Variants in VSNL1 observed in about 807,000 individuals in gnomAD.
VSNL1 encodes visinin like 1.
A neutral mutation model predicts 20.4 loss-of-function variants in VSNL1; 6 were observed. That is an observed-to-expected ratio of 0.29 (90% CI 0.16 to 0.58). The LOEUF (loss-of-function observed/expected upper bound fraction) is 0.58, where lower values mean the gene tolerates loss of function less well. VSNL1 is among the 20% of genes least tolerant of loss of function. The pLI, the probability that VSNL1 is intolerant of heterozygous loss-of-function variation, is 0.90. For missense variants in VSNL1, 100 were observed against 234.5 expected, an observed-to-expected ratio of 0.43 and a Z score of 3.75; for synonymous variants, 93 against 86.4, an observed-to-expected ratio of 1.08 and a Z score of -0.42.
chr2:17,586,254 T>C (rs1008413703), intron 1 of VSNL1, among the ~76,000 whole-genome samples: 7 of 152,224 alleles, frequency 4.6e-5, no homozygotes, highest in African/African-American at 7.2e-5. Context: ...TGTACTTCGA[T>C]TTTTATTTAT....
At chr2:17,570,245 A>T (rs751622586) in intron 1 of VSNL1, among the ~76,000 whole-genome samples, 1 of 152,228 alleles carries the variant, frequency 6.6e-6, no homozygotes, top group Non-Finnish European at 1.5e-5. Flanking sequence ...TAAATCATTT[A>T]TGAGACTCCC....
At chr2:17,567,353 CTTTTTTT>C (rs57144136) in intron 1 of VSNL1, 1 of 84,554 alleles carries the variant, frequency 1.2e-5, no homozygotes, top group South Asian at 5.0e-4. Flanking sequence ...TAGAGTCTCA[CTTTTTTT>C]TTTTTTTTTT....
intron 3 of VSNL1, among the ~76,000 whole-genome samples, chr2:17,650,340 T>G (rs1048998138): frequency 2.0e-5 from 3 of 152,226 alleles, no homozygotes; most frequent in Non-Finnish European, 2.9e-5. Flanking sequence ...AGAGGGGTTT[T>G]GTCCCAACAT....
intron 2 of VSNL1, among the ~76,000 whole-genome samples, chr2:17,618,231 T>C (rs1407449536): frequency 1.3e-5 from 2 of 152,216 alleles, no homozygotes; most frequent in East Asian, 3.8e-4. Context: ...TCTTACACTT[T>C]TGGGGGCCAG....
intron 2 of VSNL1, among the ~76,000 whole-genome samples, chr2:17,607,484 G>A (rs1664972773): frequency 6.6e-6 from 1 of 152,214 alleles, no homozygotes; most frequent in African/African-American, 2.4e-5. Context: ...CAGTGAGTAG[G>A]AGAGGCAGGT....
intron 1 of VSNL1, among the ~76,000 whole-genome samples, chr2:17,545,210 AACC>A: frequency 6.6e-6 from 1 of 152,274 alleles, no homozygotes; most frequent in East Asian, 1.9e-4. Flanking sequence ...TTTCTACTGA[AACC>A]ATGTGCACAA....
At chr2:17,552,219 A>G (rs936170949) in intron 1 of VSNL1, among the ~76,000 whole-genome samples, 2 of 151,848 alleles carry the variant, frequency 1.3e-5, no homozygotes, top group African/African-American at 2.4e-5. Context: ...AAAACAAAAA[A>G]AAACTTAGCA....
chr2:17,652,785 A>G (rs1666148173), intron 3 of VSNL1, among the ~76,000 whole-genome samples: 1 of 152,156 alleles, frequency 6.6e-6, no homozygotes, highest in Non-Finnish European at 1.5e-5. Flanking sequence ...CCTCCTAGGC[A>G]GATTTCTGAG....
intron 1 of VSNL1, among the ~76,000 whole-genome samples, chr2:17,551,614 A>G (rs2103339344): frequency 6.6e-6 from 1 of 152,286 alleles, no homozygotes; most frequent in African/African-American, 2.4e-5. Context: ...TGGTATGGGT[A>G]TTAGAAGAAA....
intron 1 of VSNL1, among the ~76,000 whole-genome samples, chr2:17,570,894 G>C (rs1664065630): frequency 6.6e-6 from 1 of 151,986 alleles, no homozygotes; most frequent in African/African-American, 2.4e-5. Context: ...AAAATACCAG[G>C]TGCGGTGGTG....
intron 2 of VSNL1, among the ~76,000 whole-genome samples, chr2:17,624,516 G>A (rs995294325): frequency 6.6e-6 from 1 of 152,220 alleles, no homozygotes; most frequent in Non-Finnish European, 1.5e-5. Flanking sequence ...AGAGCATTCT[G>A]TATTATCCAG....
chr2:17,638,085 T>C (rs1665795427), intron 2 of VSNL1, among the ~76,000 whole-genome samples: 1 of 152,198 alleles, frequency 6.6e-6, no homozygotes, highest in Non-Finnish European at 1.5e-5. Flanking sequence ...AATTGAGATG[T>C]TGCCCTCTTG....
At chr2:17,557,564 A>G (rs1027162190) in intron 1 of VSNL1, among the ~76,000 whole-genome samples, 58 of 152,334 alleles carry the variant, frequency 3.8e-4, no homozygotes, top group African/African-American at 1.3e-3. Context: ...AATAGACTCC[A>G]GGAAAATCCA....
chr2:17,590,999 A>G (rs1223306448), intron 1 of VSNL1, among the ~76,000 whole-genome samples: 1 of 152,112 alleles, frequency 6.6e-6, no homozygotes, highest in African/African-American at 2.4e-5. Flanking sequence ...ATTATTAGCA[A>G]TAGTCTTATT....
At chr2:17,572,816 T>C (rs1223329716) in intron 1 of VSNL1, among the ~76,000 whole-genome samples, 1 of 152,250 alleles carries the variant, frequency 6.6e-6, no homozygotes, top group African/African-American at 2.4e-5. Context: ...CATTCCTGCC[T>C]GGCAGTCCCT....
intron 3 of VSNL1, among the ~76,000 whole-genome samples, chr2:17,651,511 G>A (rs1333314115): frequency 1.3e-5 from 2 of 152,234 alleles, no homozygotes; most frequent in Non-Finnish European, 2.9e-5. Context: ...GGGATGCTTG[G>A]TGTTTTGTGT....
rs149942279 is a variant in VSNL1, at chr2:17,633,428, A to C, written c.163-15982A>C. On this transcript the variant is annotated intron_variant, in intron 2 of 3. Coordinates refer to ENST00000295156, the MANE Select transcript of VSNL1 (RefSeq NM_003385.5). ...TAGCTACTCTGGAGGCTGAGGCACA[A>C]GAATTGCTTGAACCTGAGAGGCAGA... Among the ~76,000 whole-genome samples the C allele has an allele frequency of 4.5e-3, 680 of 151,392 alleles. 2 individuals carry two copies. The highest frequency in any genetic ancestry group is 0.03 in the East Asian group (157 of 5,152).
chr2:17,541,459 TTCTC>T (rs1308307157), intron 1 of VSNL1: 4 of 152,194 alleles, frequency 2.6e-5, no homozygotes, highest in Non-Finnish European at 4.4e-5. Context: ...ATGAGCACAT[TTCTC>T]TCAGTATTCA....
intron 2 of VSNL1, among the ~76,000 whole-genome samples, chr2:17,617,059 T>G (rs1665235192): frequency 6.6e-6 from 1 of 152,208 alleles, no homozygotes; most frequent in South Asian, 2.1e-4. Context: ...TCCCCCCTGT[T>G]CCTTAGTCTA....
Sources: gnomAD v4.1 joint callset for allele counts (sites outside exome capture counted in the v4.1 genomes callset) on GRCh38, gnomAD v4.1.1 for gene constraint, MANE v1.5 for transcripts, NCBI Gene and HGNC (gene_info 2026-07-23, HGNC 2026-07-21) for gene names.